TMEM40: variants seen among roughly 807,000 people sequenced by gnomAD.
The protein encoded by TMEM40 is transmembrane protein 40.
A neutral mutation model predicts 40.8 loss-of-function variants in TMEM40; 34 were observed. The observed-to-expected ratio is 0.83, with a 90% CI of 0.63 to 1.11. TMEM40 has a LOEUF of 1.11. TMEM40 is among the 50% of genes least tolerant of loss of function. The probability of loss-of-function intolerance (pLI) is 0.00; values close to 1 mark genes in which losing one functional copy is unlikely to be tolerated. For synonymous variants in TMEM40, 106 were observed against 107.0 expected (o/e 0.99, Z 0.06); for missense variants, 296 against 280.2 (o/e 1.06, Z -0.40).
intron 11 of TMEM40, 135 bp downstream of exon 11, chr3:12,735,419 TA>T: frequency 1.2e-6 from 1 of 818,270 alleles, no homozygotes; most frequent in Non-Finnish European, 2.0e-6. Flanking sequence ...ACAGAGCTAG[TA>T]AACTGGCAGA....
intron 1 of TMEM40, 69 bp from the exon 2 acceptor site, chr3:12,749,909 CAAAT>C: frequency 2.2e-6 from 3 of 1,374,248 alleles, no homozygotes; most frequent in Non-Finnish European, 3.0e-6. Flanking sequence ...AAGAGCTTGG[CAAAT>C]AAATAAGAAA....
intron 3 of TMEM40, among the ~76,000 whole-genome samples, chr3:12,745,226 A>ATTTTTTTT (rs144839288): frequency 0.012 from 1,561 of 127,050 alleles, 44 homozygotes; most frequent in African/African-American, 0.044. Context: ...CACCTGGCTA[A>ATTTTTTTT]TTTTTTTTTT....
intron 1 of TMEM40, among the ~76,000 whole-genome samples, chr3:12,764,905 T>C (rs2061587090): frequency 6.6e-6 from 1 of 152,146 alleles, no homozygotes; most frequent in African/African-American, 2.4e-5. Context: ...AGAGTCTCAC[T>C]CTATTGCCCA....
At chr3:12,766,667 T>A (rs2061596142) in intron 1 of TMEM40, among the ~76,000 whole-genome samples, 1 of 152,152 alleles carries the variant, frequency 6.6e-6, no homozygotes, top group Non-Finnish European at 1.5e-5. Context: ...TTGCAAATAT[T>A]TTCTCCAGTC....
chr3:12,756,418 T>C (rs1261708273), intron 1 of TMEM40, among the ~76,000 whole-genome samples: 1 of 152,204 alleles, frequency 6.6e-6, no homozygotes, highest in Admixed American at 6.5e-5. Context: ...CTGCTCTAGA[T>C]CCTCAGACCA....
chr3:12,761,680 G>C (rs2061569451), upstream of TMEM40, among the ~76,000 whole-genome samples: 1 of 152,082 alleles, frequency 6.6e-6, no homozygotes, highest in Admixed American at 6.6e-5. Context: ...GAAGCTGTGA[G>C]GATCCAGCAT....
At chr3:12,767,681 G>A (rs2061600349) in intron 1 of TMEM40, among the ~76,000 whole-genome samples, 1 of 152,144 alleles carries the variant, frequency 6.6e-6, no homozygotes, top group Admixed American at 6.5e-5. Context: ...TCTGAGCAGG[G>A]GCCCCAGAAG....
rs549728818 is a variant in TMEM40 at position 12,733,674 on chromosome 3, AC to A, written c.*1099del. The A allele has an allele frequency of 1.3e-3, 200 of 152,278 alleles. 1 individual carries two copies. The highest frequency in any genetic ancestry group is 4.8e-3 in the African/African-American group (198 of 41,556). The allele number at this position is 152,278 out of a possible 1,614,324, so 9.4% of individuals were successfully genotyped here. A position where few individuals can be genotyped will look rare whatever the true frequency, so the allele number is the denominator to read the frequency against. ...GAGTTTTGAGAACAGCATGTCTGTG[AC>A]CATCAAGAACTCAGTTCAAGTTCAG... On this transcript the variant is annotated 3_prime_UTR_variant, in exon 12 of 12. Transcript: ENST00000314124.
chr3:12,748,570 T>C (rs767106211), intron 3 of TMEM40, 85 bp downstream of exon 3: 3 of 1,528,738 alleles, frequency 2.0e-6, no homozygotes, highest in Non-Finnish European at 2.6e-6. Flanking sequence ...TTTCAAGTAC[T>C]TCAATGACTT....
upstream of TMEM40, among the ~76,000 whole-genome samples, chr3:12,760,993 C>A (rs972236903): frequency 3.9e-5 from 6 of 152,198 alleles, no homozygotes; most frequent in Non-Finnish European, 5.9e-5. Flanking sequence ...CGGCCTTGGC[C>A]CCCTAAAGCT....
chr3:12,755,105 TTTTC>T (rs998497641), intron 1 of TMEM40, among the ~76,000 whole-genome samples: 7 of 143,862 alleles, frequency 4.9e-5, no homozygotes, highest in African/African-American at 1.7e-4. Flanking sequence ...CTCCCTCCTT[TTTTC>T]TTTTTTCTTT....
intron 1 of TMEM40, among the ~76,000 whole-genome samples, chr3:12,764,975 A>G (rs1019557534): frequency 6.6e-6 from 1 of 151,680 alleles, no homozygotes; most frequent in African/African-American, 2.4e-5. Flanking sequence ...AGGTTCAAGC[A>G]ATTCTCCTGC....
At chr3:12,750,855 T>C (rs2061470178) in intron 1 of TMEM40, among the ~76,000 whole-genome samples, 1 of 152,142 alleles carries the variant, frequency 6.6e-6, no homozygotes, top group African/African-American at 2.4e-5. Flanking sequence ...CAGTAGCACT[T>C]TCCTGTTCAG....
chr3:12,735,019 C>G (rs1367853618), intron 11 of TMEM40, among the ~76,000 whole-genome samples: 2 of 152,188 alleles, frequency 1.3e-5, no homozygotes, highest in African/African-American at 4.8e-5. Flanking sequence ...AGCCACTTGG[C>G]CTCTCCATTC....
upstream of TMEM40, among the ~76,000 whole-genome samples, chr3:12,761,144 G>A (rs1392771193): frequency 3.9e-5 from 6 of 152,254 alleles, no homozygotes; most frequent in Admixed American, 3.9e-4. Context: ...GAGGTGAGGA[G>A]CACTATTGTG....
rs574120819 is a variant in TMEM40, at chr3:12,736,758, C to T, written c.544+6G>A. The T allele has an allele frequency of 7.4e-6, 12 of 1,614,048 alleles. No individual in the cohort carries two copies. Among genetic ancestry groups the T allele is most frequent in the East Asian group, 2.2e-5 (1 of 44,884 alleles). ...CTTGTGCATTCCCCAGGGCACCTCCCCTCACCTGCGTAATAGTGATAACAC... is the reference window on the plus strand; with the variant it reads ...CTTGTGCATTCCCCAGGGCACCTCCTCTCACCTGCGTAATAGTGATAACAC... On this transcript the variant is annotated splice_donor_region_variant and intron_variant, in intron 9 of 11. Coordinates refer to ENST00000314124, the MANE Select transcript of TMEM40 (RefSeq NM_018306.4).
At chr3:12,738,744 T>C in intron 5 of TMEM40, 156 bp from the exon 6 acceptor site, 2 of 693,778 alleles carry the variant, frequency 2.9e-6, no homozygotes, top group Non-Finnish European at 5.0e-6. Flanking sequence ...CTGTTCCAAC[T>C]AAAGGGGCAG....
chr3:12,754,565 C>T (rs1421960237), intron 1 of TMEM40, among the ~76,000 whole-genome samples: 2 of 152,176 alleles, frequency 1.3e-5, no homozygotes, highest in East Asian at 1.9e-4. Context: ...CTAGCATATC[C>T]TTAGGTGACA....
At chr3:12,756,243 AC>A (rs2061526215) in intron 1 of TMEM40, among the ~76,000 whole-genome samples, 1 of 152,144 alleles carries the variant, frequency 6.6e-6, no homozygotes, top group Non-Finnish European at 1.5e-5. Flanking sequence ...TCCACCCACT[AC>A]CATTGGTGAT....
Sources: allele counts gnomAD v4.1 joint callset (sites outside exome capture counted in the v4.1 genomes callset), GRCh38; gene constraint gnomAD v4.1.1; transcripts MANE v1.5; gene names NCBI Gene and HGNC (gene_info 2026-07-23, HGNC 2026-07-21).